Variants in FAM120A observed in about 807,000 individuals in gnomAD.
FAM120A encodes the protein family with sequence similarity 120 member A, also known as constitutive coactivator of PPAR-gamma-like protein 1.
FAM120A carries 15 observed loss-of-function variants against 109.7 expected under a neutral mutation model. That is an observed-to-expected ratio of 0.14 (90% CI 0.09 to 0.21). The LOEUF (loss-of-function observed/expected upper bound fraction) is 0.21, where lower values mean the gene tolerates loss of function less well. FAM120A is among the 10% of genes least tolerant of loss of function. FAM120A has a pLI of 1.00. For synonymous variants in FAM120A, 493 were observed against 572.8 expected (o/e 0.86, Z 1.99); for missense variants, 899 against 1,439.3 (o/e 0.62, Z 6.07).
rs768552939 is a variant in FAM120A at position 93,505,051 on chromosome 9, G to GTTTTTTTT, written c.1030+6185_1030+6192dup. 1.1e-4 allele frequency among the ~76,000 whole-genome samples: 9 copies of GTTTTTTTT among 81,328 alleles called. 1 individual carries two copies. Among genetic ancestry groups the GTTTTTTTT allele is most frequent in the Non-Finnish European group, 1.7e-4 (8 of 46,350 alleles). The allele number at this position is 81,328 out of a possible 152,430, so 53.4% of individuals were successfully genotyped here. ...ATGCTTGTTCATGTTGTTCGCTTGT[G>GTTTTTTTT]TTTTTTTTTTTTTTTTTTTTTTTTT... On this transcript the variant is annotated intron_variant, in intron 5 of 17. Transcript: ENST00000277165.
intron 1 of FAM120A, among the ~76,000 whole-genome samples, chr9:93,464,487 G>T (rs941374099): frequency 2.0e-5 from 3 of 152,206 alleles, no homozygotes; most frequent in Non-Finnish European, 1.5e-5. Flanking sequence ...GGAAGAAGCT[G>T]AGAAGTGTTG....
chr9:93,475,118 A>G (rs981607226), intron 2 of FAM120A, among the ~76,000 whole-genome samples: 1 of 152,216 alleles, frequency 6.6e-6, no homozygotes, highest in East Asian at 1.9e-4. Flanking sequence ...TGCCTAATGA[A>G]GTATCTTAAA....
intron 5 of FAM120A, among the ~76,000 whole-genome samples, chr9:93,508,444 G>C (rs1222950629): frequency 1.3e-5 from 2 of 152,182 alleles, no homozygotes. Flanking sequence ...TACCAGACCA[G>C]ACTGTGTCTG....
intron 1 of FAM120A, among the ~76,000 whole-genome samples, chr9:93,468,775 T>C (rs563839180): frequency 2.6e-5 from 4 of 152,244 alleles, no homozygotes; most frequent in Non-Finnish European, 5.9e-5. Context: ...ATGCTTCTAA[T>C]GTTTTTTATT....
rs923082482 is a variant in FAM120A at position 93,452,886 on chromosome 9, C to A, written c.474+497C>A. The A allele has an allele frequency of 1.2e-5, 17 of 1,444,214 alleles. No homozygotes were observed. The highest frequency in any genetic ancestry group is 4.9e-4 in the Middle Eastern group (2 of 4,070). The allele number at this position is 1,444,214 out of a possible 1,614,324, so 89.5% of individuals were successfully genotyped here. A position where few individuals can be genotyped will look rare whatever the true frequency, so the allele number is the denominator to read the frequency against. ...CTGCAAATATCAGTGCTGCTGCCGC[C>A]GCCCTTGCCAATGTTGTTAGCCCGG... On this transcript the variant is annotated intron_variant, in intron 1 of 17. Coordinates refer to ENST00000277165, the MANE Select transcript of FAM120A (RefSeq NM_014612.5). The surrounding 1 kb of genome is among the most constrained non-coding windows in gnomAD (Gnocchi z 7.0).
chr9:93,502,901 A>G (rs1212452051), intron 5 of FAM120A, among the ~76,000 whole-genome samples: 7 of 152,238 alleles, frequency 4.6e-5, no homozygotes, highest in Non-Finnish European at 2.9e-5. Flanking sequence ...GGAATTTACT[A>G]AAGTAACAAG....
chr9:93,517,172 A>C (rs541148493), intron 7 of FAM120A, among the ~76,000 whole-genome samples: 1 of 152,226 alleles, frequency 6.6e-6, no homozygotes, highest in Non-Finnish European at 1.5e-5. Context: ...GGCAGAGCTT[A>C]CTGAAGGACT....
chr9:93,515,000 G>A lies in FAM120A; in HGVS notation c.1031-667G>A, dbSNP rs543092644. Among the ~76,000 whole-genome samples, 8 of 152,150 alleles carry A rather than the reference G, an allele frequency of 5.3e-5. No homozygotes were observed. In the South Asian group the frequency reaches 1.0e-3, roughly 20 times the overall value. On this transcript the variant is annotated intron_variant, in intron 5 of 17. Transcript: ENST00000277165. ...GATTTCTTCATTTTTGCAAGGTAGC[G>A]TGGGAATGATGACTAGCACATGGCA...
At position 93,516,221 on chromosome 9, in the gene FAM120A, C is replaced by A; in HGVS notation, c.1370C>A (p.Ser457Tyr). The A allele has an allele frequency of 1.9e-6, 3 of 1,613,840 alleles. No individual in the cohort carries two copies. The highest frequency in any genetic ancestry group is 2.5e-6 in the Non-Finnish European group (3 of 1,179,806). ...GATTCCGCCTACTTCCCTGGCTCTT[C>A]TACATCGTCATCTTCCGACAACGAC... ...HVDSAYFPGSSTSSSSDNDEG... is the reference protein window; with the variant it reads ...HVDSAYFPGSYTSSSSDNDEG... The change falls in exon 7 of 18, where the codon TCT becomes TAT. Residue 457 changes from serine to tyrosine, a missense_variant. By Grantham distance (144) the Ser-to-Tyr change is moderately radical. This residue lies in a region of FAM120A where 31 missense variants were observed against 71.8 expected (regional missense o/e 0.43). Transcript: ENST00000277165.
At chr9:93,517,078 CT>C (rs1253058062) in intron 7 of FAM120A, among the ~76,000 whole-genome samples, 1 of 152,084 alleles carries the variant, frequency 6.6e-6, no homozygotes, top group African/African-American at 2.4e-5. Flanking sequence ...CAGTTCTTAC[CT>C]TGTGTGTCAC....
chr9:93,540,725 G>A (rs1034954638), intron 10 of FAM120A, among the ~76,000 whole-genome samples: 7 of 152,144 alleles, frequency 4.6e-5, no homozygotes, highest in Non-Finnish European at 1.0e-4. Context: ...GCATATTTCT[G>A]AGGATACCAT....
chr9:93,473,157 C>T (rs367839204), intron 2 of FAM120A, among the ~76,000 whole-genome samples: 16 of 152,058 alleles, frequency 1.1e-4, no homozygotes, highest in African/African-American at 3.4e-4. Context: ...GCTGGGATTA[C>T]AGGCGCCCAC....
In FAM120A at chr9:93,484,023, T is replaced by G. The variant is rs929204346; in HGVS notation, c.804+7685T>G. Among the ~76,000 whole-genome samples the G allele has an allele frequency of 2.0e-5, 3 of 151,842 alleles. No homozygotes were observed. In the East Asian group the frequency reaches 5.8e-4, roughly 29 times the overall value. ...GGAATCTCTTGGGGCTCAAGAATAGTTTTTCTGTGTCTCTCTTTTTTTTTT... is the reference window on the plus strand; with the variant it reads ...GGAATCTCTTGGGGCTCAAGAATAGGTTTTCTGTGTCTCTCTTTTTTTTTT... On this transcript the variant is annotated intron_variant, in intron 3 of 17. Coordinates refer to ENST00000277165, the MANE Select transcript of FAM120A (RefSeq NM_014612.5).
At chr9:93,462,114 T>C (rs958727719) in intron 1 of FAM120A, among the ~76,000 whole-genome samples, 6 of 152,202 alleles carry the variant, frequency 3.9e-5, no homozygotes, top group African/African-American at 1.4e-4. Flanking sequence ...AAACTCTGCC[T>C]TTTTACAAGT....
Position 93,545,609 on chromosome 9 carries a change from G to A in FAM120A, c.2159+2138G>A, listed in dbSNP as rs116246994. On this transcript the variant is annotated intron_variant, in intron 11 of 17. Transcript: ENST00000277165. ...GGTCCCAACTACCTGACTTTAGGAA[G>A]GGAGGGACAGAGCTTATTCTTGTTT... 7.0e-3 allele frequency among the ~76,000 whole-genome samples: 1,060 copies of A among 152,224 alleles called. 13 individuals carry two copies. The highest frequency in any genetic ancestry group is 0.024 in the African/African-American group (1,008 of 41,540).
rs1165040602 is a variant in FAM120A at position 93,451,814 on chromosome 9, G to GGCC, written c.-95_-93dup. On this transcript the variant is annotated 5_prime_UTR_variant, in exon 1 of 18. Coordinates refer to ENST00000277165, the MANE Select transcript of FAM120A (RefSeq NM_014612.5). ...CCGACCCGCCCCAGTCCCCCCTAGAGGCCGCCGCCCCCGCCCGCCAGCCCG... is the reference window on the plus strand; with the variant it reads ...CCGACCCGCCCCAGTCCCCCCTAGAGGCCGCCGCCGCCCCCGCCCGCCAGCCCG... 2 of 945,136 alleles carry GGCC rather than the reference G, an allele frequency of 2.1e-6. No individual in the cohort carries two copies. Among genetic ancestry groups the GGCC allele is most frequent in the African/African-American group, 2.0e-5 (1 of 51,280 alleles). The allele number at this position is 945,136 out of a possible 1,614,324, so 58.5% of individuals were successfully genotyped here. A position where few individuals can be genotyped will look rare whatever the true frequency, so the allele number is the denominator to read the frequency against.
chr9:93,519,793 G>A (rs1207533115), intron 7 of FAM120A, among the ~76,000 whole-genome samples: 1 of 152,122 alleles, frequency 6.6e-6, no homozygotes, highest in East Asian at 1.9e-4. Context: ...GATGGGCGAT[G>A]GGGATTGTTA....
intron 7 of FAM120A, among the ~76,000 whole-genome samples, chr9:93,517,790 G>C (rs975916794): frequency 2.0e-5 from 3 of 152,160 alleles, no homozygotes; most frequent in African/African-American, 7.2e-5. Flanking sequence ...TTCCTCCGGT[G>C]GGGAGGGATT....
chr9:93,535,794 CT>C (rs1436374510), intron 10 of FAM120A, among the ~76,000 whole-genome samples: 2 of 152,168 alleles, frequency 1.3e-5, no homozygotes, highest in African/African-American at 4.8e-5. Flanking sequence ...TTGAGAATAT[CT>C]TGTGATTGTT....
Sources: gnomAD v4.1 joint callset for allele counts (sites outside exome capture counted in the v4.1 genomes callset) on GRCh38, gnomAD v4.1.1 for gene constraint, gnomAD v4.1.1 regional missense constraint, Gnocchi (gnomAD v3.1) non-coding constraint, MANE v1.5 for transcripts, NCBI Gene and HGNC (gene_info 2026-07-23, HGNC 2026-07-21) for gene names.